DLG4: variants seen among roughly 807,000 people sequenced by gnomAD.
DLG4 encodes the protein discs large MAGUK scaffold protein 4.
Under a neutral mutation model 93.8 loss-of-function variants are expected in DLG4, and 7 were observed. The ratio of observed to expected loss-of-function variants is 0.07; its 90% CI spans 0.04 to 0.14. The LOEUF (loss-of-function observed/expected upper bound fraction) is 0.14, where lower values mean the gene tolerates loss of function less well. DLG4 is among the 10% of genes least tolerant of loss of function. The probability of loss-of-function intolerance (pLI) is 1.00; values close to 1 mark genes in which losing one functional copy is unlikely to be tolerated. For missense variants in DLG4, 545 were observed against 992.9 expected, an observed-to-expected ratio of 0.55 and a Z score of 6.06; for synonymous variants, 341 against 387.6, an observed-to-expected ratio of 0.88 and a Z score of 1.41.
intron 1 of DLG4, 41 bp downstream of exon 1, chr17:7,217,077 C>A (rs766483452): frequency 7.9e-7 from 1 of 1,271,516 alleles, no homozygotes; most frequent in Non-Finnish European, 1.0e-6. Flanking sequence ...CCCACAAACT[C>A]ATACCCTCCC....
intron 1 of DLG4, 34 bp downstream of exon 1, chr17:7,217,084 T>TC (rs1291107102): frequency 4.0e-6 from 5 of 1,265,650 alleles, no homozygotes; most frequent in Middle Eastern, 2.1e-4. Flanking sequence ...ACTCATACCC[T>TC]CCCCCCAGTT....
upstream of DLG4, chr17:7,219,639 C>T (rs2071087371): frequency 8.0e-7 from 1 of 1,251,506 alleles, no homozygotes; most frequent in Non-Finnish European, 1.0e-6. Flanking sequence ...CCGGAGAAGC[C>T]CTCCCTTCAG....
rs2069489563 is a variant in DLG4, at chr17:7,191,434, G to A, written c.1977-76C>T. 6 of 1,123,080 alleles carry A rather than the reference G, an allele frequency of 5.3e-6. No individual in the cohort carries two copies. The highest frequency in any genetic ancestry group is 1.9e-5 in the Admixed American group (1 of 53,744). 69.6% of individuals were successfully genotyped at this position (1,123,080 alleles called of 1,614,324 possible). A position where few individuals can be genotyped will look rare whatever the true frequency, so the allele number is the denominator to read the frequency against. On this transcript the variant is annotated intron_variant, in intron 18 of 19. Coordinates refer to ENST00000399506, the MANE Select transcript of DLG4 (RefSeq NM_001321075.3). This position sits in a 1 kb window ranked among gnomAD's most constrained non-coding sequence, Gnocchi z 6.6. The stretch of plus-strand genomic sequence containing the variant: ...CCTTTTATCTCCTCTATCCAGGAAT[G>A]TTAAGTATTCTTCTATTTGGAGCAC...
intron 1 of DLG4, among the ~76,000 whole-genome samples, chr17:7,214,282 C>CG (rs1219471163): frequency 1.3e-5 from 2 of 152,182 alleles, no homozygotes; most frequent in African/African-American, 2.4e-5. Flanking sequence ...CCTTTACGCA[C>CG]GGGGGGCCAC....
chr17:7,204,133 T>A, intron 3 of DLG4, 66 bp from the exon 4 acceptor site: 1 of 1,600,370 alleles, frequency 6.2e-7, no homozygotes, highest in Non-Finnish European at 8.5e-7. Context: ...GCCCGTCATC[T>A]GCTGCCCTCC....
In DLG4 at chr17:7,205,054, G is replaced by T. The variant is rs1043989235; in HGVS notation, c.97-802C>A. 1.2e-5 allele frequency: 12 copies of T among 985,394 alleles called. No homozygotes were observed. The African/African-American group carries it at 1.9e-4, about 16-fold the overall frequency. 61.0% of individuals were successfully genotyped at this position (985,394 alleles called of 1,614,324 possible). On this transcript the variant is annotated intron_variant, in intron 2 of 19. Coordinates refer to ENST00000399506, the MANE Select transcript of DLG4 (RefSeq NM_001321075.3). Reference sequence around the variant, plus strand: ...GCTAGCCCCGCCTCTCCTGCCCTGGGCCCCGCCCCACGTTAGCCAGGCCGA... The same window carrying T: ...GCTAGCCCCGCCTCTCCTGCCCTGGTCCCCGCCCCACGTTAGCCAGGCCGA...
Position 7,194,074 on chromosome 17 carries a change from GA to G in DLG4, c.1479-75del, listed in dbSNP as rs1353675409. The stretch of plus-strand genomic sequence containing the variant: ...GCCACCCCCATGCTCTGAGCCAGCT[GA>G]CAACCCCTTCTCCATACTCTGGGCC... On this transcript the variant is annotated intron_variant, in intron 12 of 19. Transcript: ENST00000399506. The surrounding 1 kb of genome is among the most constrained non-coding windows in gnomAD (Gnocchi z 4.4). The G allele has an allele frequency of 1.9e-6, 3 of 1,564,064 alleles. No individual in the cohort carries two copies. The African/African-American group carries it at 4.1e-5, about 21-fold the overall frequency.
chr17:7,191,668 G>A lies in DLG4; in HGVS notation c.1976+225C>T, dbSNP rs2069504567. 3 of 587,774 alleles carry A rather than the reference G, an allele frequency of 5.1e-6. No individual in the cohort carries two copies. Among genetic ancestry groups the A allele is most frequent in the African/African-American group, 1.9e-5 (1 of 53,650 alleles). 36.4% of individuals were successfully genotyped at this position (587,774 alleles called of 1,614,324 possible). On this transcript the variant is annotated intron_variant, in intron 18 of 19. Transcript: ENST00000399506. This position sits in a 1 kb window ranked among gnomAD's most constrained non-coding sequence, Gnocchi z 6.6. ...TAGAGGCCCTGACTCGCCCCAGCTGGTATGCCCCAGGGGCTGCTGGGAAAT... is the reference window on the plus strand; with the variant it reads ...TAGAGGCCCTGACTCGCCCCAGCTGATATGCCCCAGGGGCTGCTGGGAAAT...
chr17:7,218,371 A>C, upstream of DLG4: 1 of 1,468,990 alleles, frequency 6.8e-7, no homozygotes, highest in Non-Finnish European at 9.3e-7. Context: ...CTGGCTGGCA[A>C]GGGAGGAGCC....
At chr17:7,192,442 GA>G (rs2069553415) in intron 17 of DLG4, 1 of 168,852 alleles carries the variant, frequency 5.9e-6, no homozygotes, top group Admixed American at 6.2e-5. Context: ...AAGGAACAAG[GA>G]GACAGATGGG....
At position 7,202,988 on chromosome 17, in the gene DLG4, G is replaced by A. The variant is rs776039845; in HGVS notation, c.702C>T (p.Asn234=). The A allele has an allele frequency of 1.9e-6, 3 of 1,613,662 alleles. No individual in the cohort carries two copies. The South Asian group carries it at 3.3e-5, about 18-fold the overall frequency. ...MHEDAVAALK[N]TYDVVYLKVA... is the part of the protein sequence containing the mutation. Reference sequence around the variant, plus strand: ...CCTTTAGGTAGACAACATCATACGTGTTCTTCAGGGCTGCCACAGCATCTT... The same window carrying A: ...CCTTTAGGTAGACAACATCATACGTATTCTTCAGGGCTGCCACAGCATCTT... Residue 234 remains asparagine, a synonymous_variant, in exon 8 of 20, where the codon AAC becomes AAT. Transcript: ENST00000399506.
intron 8 of DLG4, among the ~76,000 whole-genome samples, chr17:7,200,790 C>T (rs2070081967): frequency 1.3e-5 from 2 of 151,970 alleles, no homozygotes; most frequent in South Asian, 4.2e-4. Flanking sequence ...AGGTGACTCA[C>T]CCATCTCGGC....
rs2070598315 is a variant in DLG4, at chr17:7,208,880, G to A, written c.31-641C>T. Among the ~76,000 whole-genome samples, 1 of 152,078 alleles carries A rather than the reference G, an allele frequency of 6.6e-6. No individual in the cohort carries two copies. Among genetic ancestry groups the A allele is most frequent in the Admixed American group, 6.5e-5 (1 of 15,272 alleles). On this transcript the variant is annotated intron_variant, in intron 1 of 19. Transcript: ENST00000399506. This position sits in a 1 kb window ranked among gnomAD's most constrained non-coding sequence, Gnocchi z 5.4. ...GAAGGTACTTGGTATCAGCCCCCGA[G>A]ACAGGACAAGGCTAAGCCTGTCCAG... is the stretch of plus-strand genomic sequence containing the variant.
At chr17:7,207,144 T>G (rs1210769233) in intron 2 of DLG4, among the ~76,000 whole-genome samples, 2 of 146,164 alleles carry the variant, frequency 1.4e-5, no homozygotes, top group Non-Finnish European at 1.5e-5. Context: ...ATGGCAGAGG[T>G]GAGAACCCAA....
At chr17:7,215,128 C>A (rs935740197) in intron 1 of DLG4, among the ~76,000 whole-genome samples, 1 of 152,208 alleles carries the variant, frequency 6.6e-6, no homozygotes, top group Non-Finnish European at 1.5e-5. Flanking sequence ...GGCAGCAACC[C>A]TCTAACATTG....
chr17:7,201,596 G>A (rs563241433), intron 8 of DLG4, among the ~76,000 whole-genome samples: 57 of 152,224 alleles, frequency 3.7e-4, no homozygotes, highest in Middle Eastern at 6.8e-3. Flanking sequence ...GTAAGTTAAC[G>A]GAGGCCGGGC....
intron 17 of DLG4, 64 bp downstream of exon 17, chr17:7,192,881 G>A: frequency 6.7e-7 from 1 of 1,496,052 alleles, no homozygotes; most frequent in African/African-American, 1.4e-5. Context: ...AGAGAAAGCT[G>A]GAGGGAGGCA....
chr17:7,190,288 C>A lies in DLG4; in HGVS notation c.*420G>T. On this transcript the variant is annotated 3_prime_UTR_variant, in exon 20 of 20. Coordinates refer to ENST00000399506, the MANE Select transcript of DLG4 (RefSeq NM_001321075.3). Reference sequence around the variant, plus strand: ...ATGAGGGCAGGGGTGACCCCAGACCCTGCCTTAGGAGAGAGCGGAGGCCTG... The same window carrying A: ...ATGAGGGCAGGGGTGACCCCAGACCATGCCTTAGGAGAGAGCGGAGGCCTG... The A allele has an allele frequency of 4.7e-6, 1 of 211,770 alleles. No individual in the cohort carries two copies. The highest frequency in any genetic ancestry group is 9.7e-6 in the Non-Finnish European group (1 of 103,522). The allele number at this position is 211,770 out of a possible 1,614,324, so 13.1% of individuals were successfully genotyped here.
intron 8 of DLG4, 137 bp from the exon 9 acceptor site, chr17:7,197,189 TA>T (rs1472840248): frequency 7.3e-6 from 6 of 825,990 alleles, no homozygotes; most frequent in Admixed American, 2.8e-5. Flanking sequence ...GGTGGGGTGG[TA>T]AGGGGATATC....
Sources: allele counts gnomAD v4.1 joint callset (sites outside exome capture counted in the v4.1 genomes callset), GRCh38; gene constraint gnomAD v4.1.1; non-coding constraint Gnocchi (gnomAD v3.1); transcripts MANE v1.5; gene names NCBI Gene and HGNC (gene_info 2026-07-23, HGNC 2026-07-21).